Variants in DPYSL2 observed in about 807,000 individuals in gnomAD.
DPYSL2 encodes dihydropyrimidinase-related protein 2.
In DPYSL2, 13 loss-of-function variants were observed where a neutral mutation model predicts 69.9. The observed-to-expected ratio is 0.19, with a 90% CI of 0.12 to 0.30. The LOEUF (loss-of-function observed/expected upper bound fraction) is 0.30, where lower values mean the gene tolerates loss of function less well. Ranked by LOEUF, DPYSL2 falls within the 10% of genes least tolerant of loss-of-function variation. The pLI is 1.00. For synonymous variants in DPYSL2, 326 were observed against 359.1 expected (o/e 0.91, Z 1.04); for missense variants, 587 against 918.9 (o/e 0.64, Z 4.67).
intron 10 of DPYSL2, among the ~76,000 whole-genome samples, chr8:26,646,379 A>T (rs908415385): frequency 6.6e-6 from 1 of 152,194 alleles, no homozygotes; most frequent in Non-Finnish European, 1.5e-5. Context: ...TTTATACGCC[A>T]CCACCAATAT....
intron 1 of DPYSL2, among the ~76,000 whole-genome samples, chr8:26,551,504 C>T (rs906315394): frequency 6.6e-6 from 1 of 152,174 alleles, no homozygotes; most frequent in Non-Finnish European, 1.5e-5. Flanking sequence ...CTTCAACACC[C>T]CTCTGTCAGT....
Position 26,622,153 on chromosome 8 carries a change from CCT to C in DPYSL2, c.629-1989_629-1988del, listed in dbSNP as rs1409368758. ...TCCTTCCTTCCTTCCTTCCTTCCTT[CCT>C]TCCCTCTCTCTCTCTTTCTTTCTTT... On this transcript the variant is annotated intron_variant, in intron 3 of 13. Transcript: ENST00000521913. Among the ~76,000 whole-genome samples, 31 of 56,100 alleles carry C rather than the reference CCT, an allele frequency of 5.5e-4. 1 individual carries two copies. The highest frequency in any genetic ancestry group is 1.7e-3 in the Admixed American group (10 of 5,792). 36.8% of individuals were successfully genotyped at this position (56,100 alleles called of 152,430 possible). A position where few individuals can be genotyped will look rare whatever the true frequency, so the allele number is the denominator to read the frequency against.
chr8:26,635,483 C>T (rs555388671), intron 8 of DPYSL2, among the ~76,000 whole-genome samples: 194 of 152,300 alleles, frequency 1.3e-3, no homozygotes, highest in African/African-American at 3.8e-3. Context: ...CTCTAGAGGA[C>T]GCCCCATGAG....
chr8:26,625,737 A>T (rs956639545), intron 4 of DPYSL2, among the ~76,000 whole-genome samples: 3 of 152,250 alleles, frequency 2.0e-5, no homozygotes, highest in Non-Finnish European at 2.9e-5. Flanking sequence ...ACAGTTCTTC[A>T]TAGGCAGAAA....
chr8:26,596,952 T>C (rs1487188996), intron 3 of DPYSL2, among the ~76,000 whole-genome samples: 3 of 152,212 alleles, frequency 2.0e-5, no homozygotes, highest in Non-Finnish European at 1.5e-5. Flanking sequence ...AGGGCTCCTA[T>C]CCATCCTGGA....
At chr8:26,630,047 G>A (rs954216365) in intron 7 of DPYSL2, among the ~76,000 whole-genome samples, 2 of 145,920 alleles carry the variant, frequency 1.4e-5, no homozygotes, top group Non-Finnish European at 2.9e-5. Flanking sequence ...TTTAGCATAC[G>A]CACATGTGCA....
rs1357104638 is a variant in DPYSL2 at position 26,587,167 on chromosome 8, C to T, written c.628+3184C>T. Among the ~76,000 whole-genome samples the T allele has an allele frequency of 6.6e-6, 1 of 152,130 alleles. No homozygotes were observed. The highest frequency in any genetic ancestry group is 1.5e-5 in the Non-Finnish European group (1 of 68,022). On this transcript the variant is annotated intron_variant, in intron 3 of 13. Coordinates refer to ENST00000521913, the MANE Select transcript of DPYSL2 (RefSeq NM_001197293.3). The surrounding 1 kb of genome is among the most constrained non-coding windows in gnomAD (Gnocchi z 4.2). ...GGGATTTGCTTTACAGAGAAGGAGG[C>T]CTTGCAAAGAGAAATAGCTTAATGC...
chr8:26,600,112 G>A lies in DPYSL2; in HGVS notation c.628+16129G>A, dbSNP rs140358489. Among the ~76,000 whole-genome samples, 114 of 152,276 alleles carry A rather than the reference G, an allele frequency of 7.5e-4. No individual in the cohort carries two copies. In the Middle Eastern group the frequency reaches 0.014, roughly 18 times the overall value. ...CAATACTTCATGACTTTTTATGGTC[G>A]AATAATATTACATTTATGAGTAGAC... On this transcript the variant is annotated intron_variant, in intron 3 of 13. Coordinates refer to ENST00000521913, the MANE Select transcript of DPYSL2 (RefSeq NM_001197293.3).
intron 3 of DPYSL2, among the ~76,000 whole-genome samples, chr8:26,590,008 C>T (rs1228284162): frequency 1.4e-4 from 21 of 152,168 alleles, no homozygotes; most frequent in Admixed American, 1.4e-3. Context: ...GGTACATCCA[C>T]GGCTTGTCAT....
In DPYSL2 at chr8:26,605,324, T is replaced by G. The variant is rs188588653; in HGVS notation, c.629-18819T>G. 6.6e-6 allele frequency among the ~76,000 whole-genome samples: 1 copy of G among 152,220 alleles called. No individual in the cohort carries two copies. The highest frequency in any genetic ancestry group is 1.9e-4 in the East Asian group (1 of 5,168). ...TAAGATTATTACTATTTTTTTTTAT[T>G]GCCCAGGCTGGAGTGCAGTGGTGTG... On this transcript the variant is annotated intron_variant, in intron 3 of 13. Coordinates refer to ENST00000521913, the MANE Select transcript of DPYSL2 (RefSeq NM_001197293.3). The surrounding 1 kb of genome is among the most constrained non-coding windows in gnomAD (Gnocchi z 4.1).
Position 26,582,311 on chromosome 8 carries a change from A to G in DPYSL2, c.443+254A>G, listed in dbSNP as rs1053183429. Among the ~76,000 whole-genome samples, 3 of 152,252 alleles carry G rather than the reference A, an allele frequency of 2.0e-5. No homozygotes were observed. The highest frequency in any genetic ancestry group is 7.2e-5 in the African/African-American group (3 of 41,464). ...ATTTACTATTTTTAACTGAGGTGAT[A>G]TGATATCTTTCTGTTGCCAGCTCAA... On this transcript the variant is annotated intron_variant, in intron 2 of 13. Transcript: ENST00000521913. This position sits in a 1 kb window ranked among gnomAD's most constrained non-coding sequence, Gnocchi z 4.1.
intron 1 of DPYSL2, among the ~76,000 whole-genome samples, chr8:26,538,171 A>C (rs763805260): frequency 6.6e-6 from 1 of 152,142 alleles, no homozygotes; most frequent in Non-Finnish European, 1.5e-5. Flanking sequence ...GATTCACTGT[A>C]ATGTCAATTA....
intron 1 of DPYSL2, among the ~76,000 whole-genome samples, chr8:26,551,982 T>G (rs1800881134): frequency 6.6e-6 from 1 of 152,060 alleles, no homozygotes; most frequent in African/African-American, 2.4e-5. Context: ...CCTGGCTAAT[T>G]TTTAAATTTT....
chr8:26,595,304 C>T (rs369469540), intron 3 of DPYSL2, among the ~76,000 whole-genome samples: 54 of 152,022 alleles, frequency 3.6e-4, no homozygotes, highest in African/African-American at 1.1e-3. Flanking sequence ...TTTTACTTTT[C>T]GCTATTTTTT....
intron 1 of DPYSL2, among the ~76,000 whole-genome samples, chr8:26,523,153 G>GTATATA (rs749896279): frequency 1.3e-5 from 2 of 149,746 alleles, no homozygotes; most frequent in African/African-American, 4.9e-5. Context: ...AGACATACAT[G>GTATATA]TATATATATA....
rs367938224 is a variant in DPYSL2, at chr8:26,565,942, C to T, written c.355-16027C>T. Among the ~76,000 whole-genome samples the T allele has an allele frequency of 4.6e-5, 7 of 152,278 alleles. No homozygotes were observed. The highest frequency in any genetic ancestry group is 1.5e-5 in the Non-Finnish European group (1 of 68,018). On this transcript the variant is annotated intron_variant, in intron 1 of 13. Transcript: ENST00000521913. The surrounding 1 kb of genome is among the most constrained non-coding windows in gnomAD (Gnocchi z 4.1). Reference sequence around the variant, plus strand: ...TCCTAGGCCTTGAAGAGATGCACTGCGTTGGCTAGAACTCTGTCACATCTC... The same window carrying T: ...TCCTAGGCCTTGAAGAGATGCACTGTGTTGGCTAGAACTCTGTCACATCTC...
rs372102224 is a variant in DPYSL2 at position 26,652,613 on chromosome 8, G to A, written c.1776+177G>A. 1.3e-5 allele frequency among the ~76,000 whole-genome samples: 2 copies of A among 152,106 alleles called. No homozygotes were observed. Among genetic ancestry groups the A allele is most frequent in the Non-Finnish European group, 2.9e-5 (2 of 68,022 alleles). ...TAAAATACTGGAGAAGGAGTCAGTC[G>A]TGTCCACAGAGAGCCCTAGCAAAGT... On this transcript the variant is annotated intron_variant, in intron 12 of 13. Coordinates refer to ENST00000521913, the MANE Select transcript of DPYSL2 (RefSeq NM_001197293.3). The surrounding 1 kb of genome is among the most constrained non-coding windows in gnomAD (Gnocchi z 6.3).
Position 26,609,596 on chromosome 8 carries a change from G to A in DPYSL2, c.629-14547G>A, listed in dbSNP as rs1001625534. Reference sequence around the variant, plus strand: ...GTCCCGTAGCCCCAGGCAACCAAAAGCTGAGACAAACAGAGGAAGTGTCGT... The same window carrying A: ...GTCCCGTAGCCCCAGGCAACCAAAAACTGAGACAAACAGAGGAAGTGTCGT... On this transcript the variant is annotated intron_variant, in intron 3 of 13. Coordinates refer to ENST00000521913, the MANE Select transcript of DPYSL2 (RefSeq NM_001197293.3). The surrounding 1 kb of genome is among the most constrained non-coding windows in gnomAD (Gnocchi z 6.5). Among the ~76,000 whole-genome samples the A allele has an allele frequency of 2.0e-5, 3 of 152,162 alleles. No homozygotes were observed. Among genetic ancestry groups the A allele is most frequent in the Non-Finnish European group, 4.4e-5 (3 of 68,028 alleles).
At chr8:26,600,340 C>A (rs1309842346) in intron 3 of DPYSL2, among the ~76,000 whole-genome samples, 1 of 152,014 alleles carries the variant, frequency 6.6e-6, no homozygotes, top group Non-Finnish European at 1.5e-5. Context: ...ATGTTACTGG[C>A]AAATATATTT....
Sources: allele counts gnomAD v4.1 joint callset (sites outside exome capture counted in the v4.1 genomes callset), GRCh38; gene constraint gnomAD v4.1.1; non-coding constraint Gnocchi (gnomAD v3.1); transcripts MANE v1.5; gene names NCBI Gene and HGNC (gene_info 2026-07-23, HGNC 2026-07-21).